LPXN: variants seen among roughly 807,000 people sequenced by gnomAD.
LPXN encodes the protein leupaxin.
A neutral mutation model predicts 45.6 loss-of-function variants in LPXN; 28 were observed. The observed-to-expected ratio is 0.61, with a 90% CI of 0.45 to 0.84. The LOEUF (loss-of-function observed/expected upper bound fraction) is 0.84. Among genes scored for constraint, LPXN ranks in the 40% least tolerant of loss-of-function variants. The pLI is 0.00. For missense variants in LPXN, 459 were observed against 475.0 expected (o/e 0.97, Z 0.31); for synonymous variants, 166 against 169.9 (o/e 0.98, Z 0.18).
intron 2 of LPXN, 137 bp downstream of exon 2, chr11:58,570,419 A>C: frequency 1.8e-6 from 1 of 550,326 alleles, no homozygotes; most frequent in Non-Finnish European, 3.0e-6. Flanking sequence ...ACATCTTTAG[A>C]TTAACATTGA....
At chr11:58,572,602 G>A (rs1172435666) in intron 1 of LPXN, among the ~76,000 whole-genome samples, 2 of 152,018 alleles carry the variant, frequency 1.3e-5, no homozygotes, top group East Asian at 1.9e-4. Flanking sequence ...GTGTGATAAT[G>A]ATATTTAATA....
At chr11:58,578,124 C>A (rs1369074124), upstream of LPXN, 2 of 1,511,024 alleles carry the variant, frequency 1.3e-6, no homozygotes, top group South Asian at 2.5e-5. Flanking sequence ...GCAGACACCC[C>A]GAGAAAGGTA....
intron 1 of LPXN, among the ~76,000 whole-genome samples, chr11:58,572,425 AAG>A (rs1412619936): frequency 6.6e-6 from 1 of 152,132 alleles, no homozygotes; most frequent in African/African-American, 2.4e-5. Flanking sequence ...AATGGGAAAA[AAG>A]AGATGAGTGG....
intron 1 of LPXN, among the ~76,000 whole-genome samples, chr11:58,573,514 C>T (rs1489646960): frequency 3.9e-5 from 6 of 152,196 alleles, no homozygotes; most frequent in Non-Finnish European, 8.8e-5. Flanking sequence ...AGAAACCATA[C>T]CACAAAGAGT....
chr11:58,535,325 G>A (rs1278126081), intron 7 of LPXN, among the ~76,000 whole-genome samples: 4 of 152,162 alleles, frequency 2.6e-5, no homozygotes, highest in African/African-American at 4.8e-5. Context: ...TATCCGCCAC[G>A]ATCAAGTCAG....
At chr11:58,563,126 T>C (rs948062647) in intron 3 of LPXN, among the ~76,000 whole-genome samples, 1 of 152,256 alleles carries the variant, frequency 6.6e-6, no homozygotes, top group Non-Finnish European at 1.5e-5. Context: ...GCATTTCTAC[T>C]GGAGTCTTGG....
intron 4 of LPXN, among the ~76,000 whole-genome samples, chr11:58,552,459 C>T (rs1185554888): frequency 6.6e-6 from 1 of 152,160 alleles, no homozygotes; most frequent in Non-Finnish European, 1.5e-5. Context: ...TCTCCATTGC[C>T]ACCACATCAA....
chr11:58,527,363 CAGA>C lies in LPXN; in HGVS notation c.*88_*90del. The C allele has an allele frequency of 7.4e-7, 1 of 1,343,776 alleles. No homozygotes were observed. The highest frequency in any genetic ancestry group is 1.0e-6 in the Non-Finnish European group (1 of 957,164). The allele number at this position is 1,343,776 out of a possible 1,614,324, so 83.2% of individuals were successfully genotyped here. A position where few individuals can be genotyped will look rare whatever the true frequency, so the allele number is the denominator to read the frequency against. On this transcript the variant is annotated 3_prime_UTR_variant, in exon 9 of 9. Coordinates refer to ENST00000395074, the MANE Select transcript of LPXN (RefSeq NM_004811.3). ...TTCCTTTTTCTATAAGACTATTAAGCAGAAGGTCAGTAACAGAAAATTTACCCT... is the reference window on the plus strand; with the variant it reads ...TTCCTTTTTCTATAAGACTATTAAGCAGGTCAGTAACAGAAAATTTACCCT...
At chr11:58,557,691 A>G (rs1854246264) in intron 3 of LPXN, among the ~76,000 whole-genome samples, 1 of 152,202 alleles carries the variant, frequency 6.6e-6, no homozygotes, top group African/African-American at 2.4e-5. Flanking sequence ...TTGCAAGAGT[A>G]AATTTTGGCT....
rs1477645308 is a variant in LPXN, at chr11:58,554,855, C to T, written c.304G>A (p.Glu102Lys). ...QLDELMAHLT[E>K]MQAKVAVRAD... ...CCTGCACTCACCTTGGCCTGCATCT[C>T]AGTCAGGTGAGCCATGAGCTCATCC... The change falls in exon 4 of 9, where the codon GAG (glutamate) becomes AAG (lysine). Residue 102 changes from glutamate (E) to lysine (K), a missense_variant. Glu to Lys is a moderately conservative substitution (Grantham distance 56). Transcript: ENST00000395074. The T allele has an allele frequency of 6.2e-7, 1 of 1,613,782 alleles. No individual in the cohort carries two copies. The highest frequency in any genetic ancestry group is 8.5e-7 in the Non-Finnish European group (1 of 1,179,940).
intron 7 of LPXN, among the ~76,000 whole-genome samples, chr11:58,548,326 T>G (rs1368622991): frequency 6.6e-6 from 1 of 151,880 alleles, no homozygotes; most frequent in African/African-American, 2.4e-5. Flanking sequence ...AAAAGGAATT[T>G]CCAAGAGTAA....
At chr11:58,527,960 C>G (rs1054568077) in intron 8 of LPXN, 83 bp downstream of exon 8, 3 of 1,468,922 alleles carry the variant, frequency 2.0e-6, no homozygotes, top group Non-Finnish European at 2.8e-6. Context: ...GACTGTGAAC[C>G]CTTTCACTAA....
intron 7 of LPXN, among the ~76,000 whole-genome samples, chr11:58,533,224 C>T (rs2120199578): frequency 6.6e-6 from 1 of 152,300 alleles, no homozygotes; most frequent in East Asian, 1.9e-4. Flanking sequence ...ACCAAGAACC[C>T]ACCAATTTCG....
rs932069217 is a variant in LPXN, at chr11:58,535,171, T to C, written c.743-6980A>G. ...GGGAATCCTCCCTAACTCATTTTTA[T>C]GAGGCCAGCATCATGCTAATACCAA... On this transcript the variant is annotated intron_variant, in intron 7 of 8. Transcript: ENST00000395074. Among the ~76,000 whole-genome samples the C allele has an allele frequency of 6.6e-5, 10 of 152,210 alleles. No individual in the cohort carries two copies. In the South Asian group the frequency reaches 1.2e-3, roughly 19 times the overall value.
intron 2 of LPXN, among the ~76,000 whole-genome samples, chr11:58,567,583 G>A (rs1394680057): frequency 6.6e-6 from 1 of 152,210 alleles, no homozygotes; most frequent in African/African-American, 2.4e-5. Context: ...ACAATGACAT[G>A]TACATAGGCC....
At chr11:58,530,656 GCT>G (rs1337051563) in intron 7 of LPXN, among the ~76,000 whole-genome samples, 1 of 152,236 alleles carries the variant, frequency 6.6e-6, no homozygotes, top group African/African-American at 2.4e-5. Context: ...CTGCCTGACA[GCT>G]CTGAAGAGAG....
chr11:58,564,115 AACTTT>A, intron 3 of LPXN, 35 bp downstream of exon 3: 1 of 1,255,580 alleles, frequency 8.0e-7, no homozygotes, highest in Non-Finnish European at 1.1e-6. Context: ...ATTATCTACT[AACTTT>A]AATTTTTAAA....
chr11:58,547,037 A>G (rs754187137), intron 7 of LPXN, among the ~76,000 whole-genome samples: 8 of 152,114 alleles, frequency 5.3e-5, no homozygotes, highest in Non-Finnish European at 7.4e-5. Flanking sequence ...GACGACTCAG[A>G]GAGTTGGATA....
chr11:58,578,698 T>A (rs1294603270), upstream of LPXN, among the ~76,000 whole-genome samples: 3 of 152,044 alleles, frequency 2.0e-5, no homozygotes, highest in African/African-American at 7.2e-5. Flanking sequence ...GCCCTTGTGG[T>A]ATCAGTGGCT....
Sources: gnomAD v4.1 joint callset for allele counts (sites outside exome capture counted in the v4.1 genomes callset) on GRCh38, gnomAD v4.1.1 for gene constraint, MANE v1.5 for transcripts, NCBI Gene and HGNC (gene_info 2026-07-23, HGNC 2026-07-21) for gene names.